Variants in FHIT observed in about 807,000 individuals in gnomAD.
The protein encoded by FHIT is fragile histidine triad diadenosine triphosphatase, also known as bis(5'-adenosyl)-triphosphatase.
In FHIT, 19 loss-of-function variants were observed where a neutral mutation model predicts 17.9. The ratio of observed to expected loss-of-function variants is 1.06; its 90% CI spans 0.74 to 1.56. The LOEUF (loss-of-function observed/expected upper bound fraction) is 1.56, where lower values mean the gene tolerates loss of function less well. Among genes scored for constraint, FHIT ranks in the 40% most tolerant of loss-of-function variants. The probability of loss-of-function intolerance (pLI) is 0.00; values close to 1 mark genes in which losing one functional copy is unlikely to be tolerated. For synonymous variants in FHIT, 81 were observed against 69.7 expected (o/e 1.16, Z -0.81); for missense variants, 248 against 189.2 (o/e 1.31, Z -1.82).
At chr3:60,880,917 C>G (rs1704944693) in intron 3 of FHIT, among the ~76,000 whole-genome samples, 1 of 152,136 alleles carries the variant, frequency 6.6e-6, no homozygotes, top group South Asian at 2.1e-4. Context: ...ACGACAGAAG[C>G]AAGTCATGAC....
chr3:61,185,058 T>C (rs1483878527), intron 2 of FHIT, among the ~76,000 whole-genome samples: 1 of 150,504 alleles, frequency 6.6e-6, no homozygotes, highest in Non-Finnish European at 1.5e-5. Context: ...TCAGTTCAAG[T>C]ATAAATAGAC....
At chr3:59,932,050 T>C (rs1434721892) in intron 7 of FHIT, among the ~76,000 whole-genome samples, 1 of 152,232 alleles carries the variant, frequency 6.6e-6, no homozygotes, top group Non-Finnish European at 1.5e-5. Flanking sequence ...TATATGCCTT[T>C]TCCTTTTGGC....
intron 3 of FHIT, among the ~76,000 whole-genome samples, chr3:60,861,204 T>TATATATGATATATATC (rs1703828111): frequency 1.3e-3 from 1 of 784 alleles, no homozygotes; most frequent in Non-Finnish European, 2.1e-3. Context: ...TCATATATGA[T>TATATATGATATATATC]ATATATGATA....
intron 3 of FHIT, among the ~76,000 whole-genome samples, chr3:60,850,852 T>C (rs1703126292): frequency 6.6e-6 from 1 of 152,164 alleles, no homozygotes; most frequent in Non-Finnish European, 1.5e-5. Context: ...TAGCATCTTA[T>C]TCAGTATACC....
chr3:60,704,778 T>G (rs1356799993), intron 4 of FHIT, among the ~76,000 whole-genome samples: 1 of 152,316 alleles, frequency 6.6e-6, no homozygotes, highest in African/African-American at 2.4e-5. Context: ...TTAATCATTA[T>G]AGCTGCTTCC....
rs187551807 is a variant in FHIT, at chr3:60,080,088, T to G, written c.104-65936A>C. On this transcript the variant is annotated intron_variant, in intron 5 of 9. Coordinates refer to ENST00000492590, the MANE Select transcript of FHIT (RefSeq NM_002012.4). Reference sequence around the variant, plus strand: ...GAAAAAAATATCTTTTCTATTTCCGTGTAATGTCCCATTACTTGACAGTCA... The same window carrying G: ...GAAAAAAATATCTTTTCTATTTCCGGGTAATGTCCCATTACTTGACAGTCA... Among the ~76,000 whole-genome samples, 442 of 152,310 alleles carry G rather than the reference T, an allele frequency of 2.9e-3. 1 individual carries two copies. The highest frequency in any genetic ancestry group is 3.3e-3 in the Non-Finnish European group (225 of 68,014).
At chr3:61,004,156 C>T (rs2031285005) in intron 3 of FHIT, among the ~76,000 whole-genome samples, 1 of 151,986 alleles carries the variant, frequency 6.6e-6, no homozygotes, top group Non-Finnish European at 1.5e-5. Flanking sequence ...AGAAGGTGAG[C>T]ACAGATTATG....
At chr3:60,031,906 T>C (rs1701018813) in intron 5 of FHIT, among the ~76,000 whole-genome samples, 1 of 152,190 alleles carries the variant, frequency 6.6e-6, no homozygotes, top group South Asian at 2.1e-4. Flanking sequence ...AATGAACCAC[T>C]GTAGTAACAG....
intron 2 of FHIT, among the ~76,000 whole-genome samples, chr3:61,185,783 T>C (rs2038490023): frequency 6.6e-6 from 1 of 152,228 alleles, no homozygotes; most frequent in South Asian, 2.1e-4. Flanking sequence ...TGGAGTCATC[T>C]CTGGGCTGTA....
intron 7 of FHIT, among the ~76,000 whole-genome samples, chr3:59,996,987 C>T (rs1028508808): frequency 3.3e-5 from 5 of 152,156 alleles, no homozygotes; most frequent in African/African-American, 1.2e-4. Context: ...CTGCAAACTT[C>T]ATCTGCAATA....
chr3:61,190,204 G>C (rs895183483), intron 2 of FHIT, among the ~76,000 whole-genome samples: 14 of 151,398 alleles, frequency 9.2e-5, no homozygotes, highest in South Asian at 8.4e-4. Context: ...GGGCTAATAT[G>C]CCAAATCTAC....
rs149039500 is a variant in FHIT, at chr3:59,854,622, C to A, written c.348+67724G>T. ...GAATCCAGAGCTTATTTTATTTAAT[C>A]CTCACAATTTTGTGATTTTTACAGA... On this transcript the variant is annotated intron_variant, in intron 8 of 9. Coordinates refer to ENST00000492590, the MANE Select transcript of FHIT (RefSeq NM_002012.4). Among the ~76,000 whole-genome samples, 10 of 152,252 alleles carry A rather than the reference C, an allele frequency of 6.6e-5. No homozygotes were observed. In the East Asian group the frequency reaches 1.9e-3, roughly 29 times the overall value.
chr3:60,418,384 A>G (rs1258024725), intron 5 of FHIT, among the ~76,000 whole-genome samples: 11 of 12,100 alleles, frequency 9.1e-4, no homozygotes, highest in African/African-American at 1.9e-3. Context: ...GTGTATATAT[A>G]TATATATATA....
intron 5 of FHIT, among the ~76,000 whole-genome samples, chr3:60,306,216 C>G (rs1161021143): frequency 6.6e-6 from 1 of 152,070 alleles, no homozygotes; most frequent in Non-Finnish European, 1.5e-5. Context: ...TTGATTAGAA[C>G]TAGAGTACGC....
intron 2 of FHIT, among the ~76,000 whole-genome samples, chr3:61,122,277 G>A (rs1332929450): frequency 6.6e-6 from 1 of 152,146 alleles, no homozygotes; most frequent in African/African-American, 2.4e-5. Flanking sequence ...TTTAATAAAT[G>A]GTGTTGGAAA....
chr3:60,392,209 C>G (rs1701260180), intron 5 of FHIT, among the ~76,000 whole-genome samples: 1 of 152,060 alleles, frequency 6.6e-6, no homozygotes, highest in South Asian at 2.1e-4. Context: ...TTGAAAAGAT[C>G]CCGTATCAGA....
At chr3:60,531,108 T>C (rs2035761733) in intron 5 of FHIT, among the ~76,000 whole-genome samples, 2 of 152,080 alleles carry the variant, frequency 1.3e-5, no homozygotes, top group Non-Finnish European at 2.9e-5. Context: ...TGAACATTTC[T>C]CCTCCAAAAG....
chr3:60,297,851 G>GA (rs1708283344), intron 5 of FHIT, among the ~76,000 whole-genome samples: 1 of 152,024 alleles, frequency 6.6e-6, no homozygotes, highest in South Asian at 2.1e-4. Context: ...CAGGTTAGGG[G>GA]TTCAGTCCCA....
At chr3:60,811,740 T>C (rs1368007750) in intron 4 of FHIT, among the ~76,000 whole-genome samples, 2 of 152,128 alleles carry the variant, frequency 1.3e-5, no homozygotes, top group African/African-American at 4.8e-5. Flanking sequence ...TTGGGTCCTA[T>C]GCCATGAAGA....
Sources: allele counts gnomAD v4.1 joint callset (sites outside exome capture counted in the v4.1 genomes callset), GRCh38; gene constraint gnomAD v4.1.1; transcripts MANE v1.5; gene names NCBI Gene and HGNC (gene_info 2026-07-23, HGNC 2026-07-21).